ZC3H12B: variants seen among roughly 807,000 people sequenced by gnomAD.
The protein encoded by ZC3H12B is probable ribonuclease ZC3H12B.
In ZC3H12B, 7 loss-of-function variants were observed where a neutral mutation model predicts 43.9. That is an observed-to-expected ratio of 0.16 (90% CI 0.09 to 0.30). The LOEUF (loss-of-function observed/expected upper bound fraction) is 0.30. Among genes scored for constraint, ZC3H12B ranks in the 10% least tolerant of loss-of-function variants. The pLI is 1.00. For missense variants in ZC3H12B, 475 were observed against 670.2 expected (o/e 0.71, Z 3.22); for synonymous variants, 222 against 241.7 (o/e 0.92, Z 0.76).
chrX:65,456,487 G>A (rs1318982458), intron 3 of ZC3H12B, among the ~76,000 whole-genome samples: 6 of 92,534 alleles, frequency 6.5e-5, no homozygotes, highest in African/African-American at 2.0e-4. Flanking sequence ...CTCTGATGCC[G>A]AGCCAAAGCT....
the ZC3H12B span, among the ~76,000 whole-genome samples, chrX:65,196,422 C>T: frequency 1.8e-5 from 2 of 111,119 alleles, no homozygotes; most frequent in African/African-American, 6.6e-5. Flanking sequence ...GATTTTGGGT[C>T]AAGCTGAGGT....
At chrX:65,455,117 G>A in intron 3 of ZC3H12B, among the ~76,000 whole-genome samples, 1 of 112,431 alleles carries the variant, frequency 8.9e-6, no homozygotes, top group Non-Finnish European at 1.9e-5. Context: ...ATGCAACAAA[G>A]CTGGATGGAG....
chrX:65,401,250 G>T (rs1302342195), intron 3 of ZC3H12B, among the ~76,000 whole-genome samples: 2 of 111,698 alleles, frequency 1.8e-5, no homozygotes, highest in Non-Finnish European at 3.8e-5. Flanking sequence ...GTGGTACAGA[G>T]AGCTTCTTTG....
chrX:65,108,639 TAAA>T, the ZC3H12B span, among the ~76,000 whole-genome samples: 1 of 101,822 alleles, frequency 9.8e-6, no homozygotes. Flanking sequence ...ACAGTTAACT[TAAA>T]AAAAAAAAAA....
At chrX:65,370,899 C>A (rs942078474) in intron 2 of ZC3H12B, among the ~76,000 whole-genome samples, 15 of 111,899 alleles carry the variant, frequency 1.3e-4, no homozygotes, top group African/African-American at 4.5e-4. Context: ...GTAGGAAATA[C>A]ATTGAATGGG....
chrX:65,383,773 C>A (rs1374026275), intron 2 of ZC3H12B, among the ~76,000 whole-genome samples: 1 of 111,710 alleles, frequency 9.0e-6, no homozygotes, highest in Non-Finnish European at 1.9e-5. Context: ...AAACAAACAA[C>A]CCCATCACTG....
At chrX:65,501,676 C>A in intron 4 of ZC3H12B, 113 bp from the exon 10 acceptor site, 1 of 783,236 alleles carries the variant, frequency 1.3e-6, no homozygotes, top group Non-Finnish European at 1.8e-6. Context: ...AATTTTCTGC[C>A]TTTACCCCAA....
At chrX:65,122,680 A>G in the ZC3H12B span, among the ~76,000 whole-genome samples, 1 of 111,189 alleles carries the variant, frequency 9.0e-6, no homozygotes, top group African/African-American at 3.3e-5. Context: ...AAATAAAGGG[A>G]TGGAGGAAGA....
At chrX:65,065,937 C>T in the ZC3H12B span, among the ~76,000 whole-genome samples, 1 of 105,959 alleles carries the variant, frequency 9.4e-6, no homozygotes, top group East Asian at 3.0e-4. Context: ...ATCAATTTGG[C>T]TATTGATACT....
chrX:65,230,070 A>G, the ZC3H12B span, among the ~76,000 whole-genome samples: 7 of 111,297 alleles, frequency 6.3e-5, no homozygotes, highest in African/African-American at 2.3e-4. Flanking sequence ...TTGCTGCTAT[A>G]AAGACACATG....
At chrX:65,502,889 G>C (rs1447616559) in exon 5 of ZC3H12B, 3 of 1,211,476 alleles carry the variant, frequency 2.5e-6, no homozygotes, top group East Asian at 5.9e-5. Context: ...TGCCAGCTGG[G>C]ACCCGCTGCC....
the ZC3H12B span, among the ~76,000 whole-genome samples, chrX:65,320,055 A>G: frequency 4.3e-3 from 477 of 111,451 alleles, 3 homozygotes; most frequent in Non-Finnish European, 6.4e-3. Flanking sequence ...GCCCAGAGCA[A>G]TCAGGCAAGA....
At chrX:65,213,576 A>G in the ZC3H12B span, among the ~76,000 whole-genome samples, 1 of 110,946 alleles carries the variant, frequency 9.0e-6, no homozygotes, top group Admixed American at 9.8e-5. Context: ...ATGTGATCTC[A>G]GTGTTGGAGA....
chrX:65,416,419 C>T (rs908045265), intron 3 of ZC3H12B, among the ~76,000 whole-genome samples: 1 of 110,748 alleles, frequency 9.0e-6, no homozygotes, highest in African/African-American at 3.3e-5. Context: ...AAAATTATGT[C>T]TAATTCAGTG....
the ZC3H12B span, among the ~76,000 whole-genome samples, chrX:65,175,602 A>G: frequency 8.9e-6 from 1 of 112,146 alleles, no homozygotes; most frequent in Non-Finnish European, 1.9e-5. Context: ...ATGGCCGAAT[A>G]GGAACAGCTC....
chrX:65,264,175 A>T, the ZC3H12B span, among the ~76,000 whole-genome samples: 1 of 111,264 alleles, frequency 9.0e-6, no homozygotes, highest in Non-Finnish European at 1.9e-5. Context: ...AGTGGGATGA[A>T]AGTGAGGAAT....
At chrX:65,179,586 A>G in the ZC3H12B span, among the ~76,000 whole-genome samples, 247 of 110,672 alleles carry the variant, frequency 2.2e-3, 2 homozygotes, top group African/African-American at 7.5e-3. Context: ...CAAAATAGAT[A>G]GACCACCAGC....
At chrX:65,095,164 C>T in the ZC3H12B span, among the ~76,000 whole-genome samples, 1 of 111,644 alleles carries the variant, frequency 9.0e-6, no homozygotes, top group Non-Finnish European at 1.9e-5. Context: ...GATGTTAAGT[C>T]AAATGTTTTT....
chrX:65,342,816 C>T, the ZC3H12B span, among the ~76,000 whole-genome samples: 9 of 100,304 alleles, frequency 9.0e-5, no homozygotes, highest in Non-Finnish European at 1.4e-4. Flanking sequence ...AAAATCAGAG[C>T]TGAATTGCAG....
Sources: allele counts gnomAD v4.1 joint callset (sites outside exome capture counted in the v4.1 genomes callset), GRCh38; gene constraint gnomAD v4.1.1; transcripts MANE v1.5; gene names NCBI Gene and HGNC (gene_info 2026-07-23, HGNC 2026-07-21).